Variants in SEMA6D observed in about 807,000 individuals in gnomAD.
SEMA6D encodes the protein semaphorin-6D.
A neutral mutation model predicts 106.6 loss-of-function variants in SEMA6D; 35 were observed. The observed-to-expected ratio is 0.33, with a 90% CI of 0.25 to 0.44. The LOEUF (loss-of-function observed/expected upper bound fraction) is 0.44. Among genes scored for constraint, SEMA6D ranks in the 20% least tolerant of loss-of-function variants. The probability of loss-of-function intolerance (pLI) is 1.00; values close to 1 mark genes in which losing one functional copy is unlikely to be tolerated. For synonymous variants in SEMA6D, 499 were observed against 487.7 expected, an observed-to-expected ratio of 1.02 and a Z score of -0.31; for missense variants, 1,185 against 1,345.9, an observed-to-expected ratio of 0.88 and a Z score of 1.87.
intron 3 of SEMA6D, among the ~76,000 whole-genome samples, chr15:47,515,944 G>A (rs563189010): frequency 3.9e-5 from 6 of 152,200 alleles, no homozygotes; most frequent in Non-Finnish European, 8.8e-5. Context: ...CTTTTTCACA[G>A]CCAAAGCTAT....
intron 1 of SEMA6D, among the ~76,000 whole-genome samples, chr15:47,221,151 G>A (rs566594296): frequency 6.6e-6 from 1 of 152,206 alleles, no homozygotes; most frequent in South Asian, 2.1e-4. Context: ...ATTGGGTTTG[G>A]CCAATAGAAG....
chr15:47,190,474 A>G (rs1287674077), intron 1 of SEMA6D, among the ~76,000 whole-genome samples: 1 of 152,208 alleles, frequency 6.6e-6, no homozygotes, highest in African/African-American at 2.4e-5. Flanking sequence ...CAATTTGTGT[A>G]TGAAGAATGC....
At chr15:47,742,231 A>G (rs1305625174) in intron 1 of SEMA6D, among the ~76,000 whole-genome samples, 1 of 152,238 alleles carries the variant, frequency 6.6e-6, no homozygotes, top group African/African-American at 2.4e-5. Flanking sequence ...ACTTCTTCAC[A>G]CTTGTATAGC....
At chr15:47,601,086 G>T (rs1310586786) in intron 4 of SEMA6D, among the ~76,000 whole-genome samples, 1 of 151,528 alleles carries the variant, frequency 6.6e-6, no homozygotes, top group African/African-American at 2.4e-5. Context: ...AAGAGAAATA[G>T]AGAGAGAGAA....
chr15:47,188,241 A>G (rs530436178), intron 1 of SEMA6D, among the ~76,000 whole-genome samples: 186 of 152,338 alleles, frequency 1.2e-3, no homozygotes, highest in South Asian at 4.1e-4. Context: ...AAATGCAACT[A>G]GAAACACATT....
At chr15:47,471,247 C>T (rs58547753) in intron 3 of SEMA6D, among the ~76,000 whole-genome samples, 2,672 of 152,172 alleles carry the variant, frequency 0.018, 67 homozygotes, top group African/African-American at 0.062. Context: ...GAGACACTGA[C>T]GCACTGTCCT....
chr15:47,552,917 T>A (rs1367689454), intron 3 of SEMA6D, among the ~76,000 whole-genome samples: 1 of 103,796 alleles, frequency 9.6e-6, no homozygotes, highest in African/African-American at 3.5e-5. Flanking sequence ...AATATATATA[T>A]ATTTGAGATG....
chr15:47,682,564 C>G (rs2078380506), intron 4 of SEMA6D, among the ~76,000 whole-genome samples: 1 of 152,136 alleles, frequency 6.6e-6, no homozygotes, highest in African/African-American at 2.4e-5. Flanking sequence ...AATTGGTAAC[C>G]TCAGTGACCA....
At chr15:47,468,763 G>A (rs1350630367) in intron 2 of SEMA6D, among the ~76,000 whole-genome samples, 1 of 152,120 alleles carries the variant, frequency 6.6e-6, no homozygotes, top group Non-Finnish European at 1.5e-5. Flanking sequence ...CAATATCCAG[G>A]TTTGAATAGT....
intron 1 of SEMA6D, among the ~76,000 whole-genome samples, chr15:47,309,713 A>G (rs1276196320): frequency 6.6e-6 from 1 of 152,158 alleles, no homozygotes; most frequent in Non-Finnish European, 1.5e-5. Context: ...AACCTAGCCT[A>G]CCTTAAGCAT....
intron 2 of SEMA6D, among the ~76,000 whole-genome samples, chr15:47,443,848 C>T (rs572557338): frequency 2.6e-5 from 4 of 151,688 alleles, no homozygotes; most frequent in Admixed American, 6.6e-5. Flanking sequence ...TTATGGCCAC[C>T]TACCGTGGAA....
At chr15:47,443,754 T>C (rs539312333) in intron 2 of SEMA6D, among the ~76,000 whole-genome samples, 1 of 152,248 alleles carries the variant, frequency 6.6e-6, no homozygotes, top group East Asian at 1.9e-4. Context: ...TTCATCAATA[T>C]ACAGTTACCA....
chr15:47,695,510 G>A (rs994538155), intron 4 of SEMA6D, among the ~76,000 whole-genome samples: 3 of 151,636 alleles, frequency 2.0e-5, no homozygotes, highest in African/African-American at 4.8e-5. Flanking sequence ...ACACACACAC[G>A]CATAGACACA....
At chr15:47,760,762 T>G (rs1335197314) in intron 3 of SEMA6D, among the ~76,000 whole-genome samples, 1 of 152,198 alleles carries the variant, frequency 6.6e-6, no homozygotes. Context: ...GTTTGACCCA[T>G]GCCTGGAGAG....
At chr15:47,196,807 A>C (rs907063903) in intron 1 of SEMA6D, among the ~76,000 whole-genome samples, 1 of 152,206 alleles carries the variant, frequency 6.6e-6, no homozygotes, top group Non-Finnish European at 1.5e-5. Flanking sequence ...AGCTACTGGC[A>C]CGAGGCTACA....
At chr15:47,506,063 C>G (rs1358456882) in intron 3 of SEMA6D, among the ~76,000 whole-genome samples, 2 of 152,128 alleles carry the variant, frequency 1.3e-5, no homozygotes, top group Non-Finnish European at 2.9e-5. Flanking sequence ...CAGTGGGAAT[C>G]TAAAGGGGAG....
intron 1 of SEMA6D, among the ~76,000 whole-genome samples, chr15:47,355,048 C>T (rs190830658): frequency 1.3e-5 from 2 of 152,232 alleles, no homozygotes; most frequent in Admixed American, 1.3e-4. Flanking sequence ...TTAGTTTTTC[C>T]ATCTGGGGCA....
chr15:47,660,874 A>G (rs1372101651), intron 4 of SEMA6D, among the ~76,000 whole-genome samples: 1 of 152,314 alleles, frequency 6.6e-6, no homozygotes, highest in East Asian at 1.9e-4. Flanking sequence ...TAATTTGAAA[A>G]GCAAGCAAAG....
At chr15:47,573,516 A>G (rs2076100987) in intron 3 of SEMA6D, among the ~76,000 whole-genome samples, 1 of 152,228 alleles carries the variant, frequency 6.6e-6, no homozygotes, top group African/African-American at 2.4e-5. Flanking sequence ...TCCCTTGGGA[A>G]TATCTTAAGA....
Sources: gnomAD v4.1 joint callset for allele counts (sites outside exome capture counted in the v4.1 genomes callset) on GRCh38, gnomAD v4.1.1 for gene constraint, MANE v1.5 for transcripts, NCBI Gene and HGNC (gene_info 2026-07-23, HGNC 2026-07-21) for gene names.